The following RASGEF1C variants were observed in gnomAD, a reference collection of about 807,000 sequenced individuals.
RASGEF1C encodes ras-GEF domain-containing family member 1C.
In RASGEF1C, 27 loss-of-function variants were observed where a neutral mutation model predicts 58.1. The observed-to-expected ratio is 0.46, with a 90% CI of 0.34 to 0.64. The LOEUF (loss-of-function observed/expected upper bound fraction) is 0.64, where lower values mean the gene tolerates loss of function less well. Among genes scored for constraint, RASGEF1C ranks in the 30% least tolerant of loss-of-function variants. RASGEF1C has a pLI of 0.01. For synonymous variants in RASGEF1C, 243 were observed against 246.3 expected, an observed-to-expected ratio of 0.99 and a Z score of 0.13; for missense variants, 502 against 605.1, an observed-to-expected ratio of 0.83 and a Z score of 1.79.
intron 12 of RASGEF1C, among the ~76,000 whole-genome samples, chr5:180,104,978 C>T (rs910467697): frequency 4.6e-5 from 7 of 152,116 alleles, no homozygotes; most frequent in African/African-American, 9.7e-5. Flanking sequence ...ATTCTAAGTC[C>T]CCTGGTGGCT....
chr5:180,176,295 G>A (rs1767224682), intron 1 of RASGEF1C, among the ~76,000 whole-genome samples: 1 of 152,238 alleles, frequency 6.6e-6, no homozygotes, highest in African/African-American at 2.4e-5. Context: ...GAGCAGCCGT[G>A]GGAGGGCACT....
At chr5:180,104,804 A>C (rs993289265) in intron 12 of RASGEF1C, among the ~76,000 whole-genome samples, 3 of 152,122 alleles carry the variant, frequency 2.0e-5, no homozygotes, top group Non-Finnish European at 4.4e-5. Flanking sequence ...AAGTTGTGGT[A>C]ATTTGTGCTT....
rs768278930 is a variant in RASGEF1C, at chr5:180,209,110, CCCGCCGCCG to C, written c.-98_-90del. ...CTCGGCGCCGCGGACCGGGGCGCCG[CCCGCCGCCG>C]CCGCCGCCGCCGCCGCCGCCGCCGC... On this transcript the variant is annotated 5_prime_UTR_variant, in exon 1 of 14. Transcript: ENST00000361132. 0.05 allele frequency: 7,278 copies of C among 144,628 alleles called. 238 individuals carry two copies. Among genetic ancestry groups the C allele is most frequent in the East Asian group, 0.1 (493 of 4,772 alleles). The allele number at this position is 144,628 out of a possible 1,614,324, so 9.0% of individuals were successfully genotyped here. A position where few individuals can be genotyped will look rare whatever the true frequency, so the allele number is the denominator to read the frequency against.
At chr5:180,185,034 T>C (rs1002324954) in intron 1 of RASGEF1C, among the ~76,000 whole-genome samples, 5 of 152,354 alleles carry the variant, frequency 3.3e-5, no homozygotes, top group South Asian at 2.1e-4. Context: ...GGCTCACACC[T>C]GTAATCCCAG....
At chr5:180,170,404 T>C (rs943523512) in intron 1 of RASGEF1C, among the ~76,000 whole-genome samples, 1 of 152,170 alleles carries the variant, frequency 6.6e-6, no homozygotes, top group Admixed American at 6.5e-5. Flanking sequence ...TCGGGCTCTG[T>C]GTGAAAATCC....
intron 1 of RASGEF1C, among the ~76,000 whole-genome samples, chr5:180,191,145 T>C (rs1027845504): frequency 4.6e-5 from 7 of 152,302 alleles, no homozygotes; most frequent in Non-Finnish European, 1.0e-4. Flanking sequence ...CAATACCAGA[T>C]GCCGCATGGA....
rs1756348955 is a variant in RASGEF1C, at chr5:180,199,714, C to T, written c.-7+9314G>A. 5.1e-5 allele frequency among the ~76,000 whole-genome samples: 7 copies of T among 135,932 alleles called. No homozygotes were observed. The Admixed American group carries it at 5.4e-4, about 11-fold the overall frequency. 89.2% of individuals were successfully genotyped at this position (135,932 alleles called of 152,430 possible). On this transcript the variant is annotated intron_variant, in intron 1 of 13. Coordinates refer to ENST00000361132, the MANE Select transcript of RASGEF1C (RefSeq NM_175062.4). ...CCCCTCCCTCCCTCCCTCCTTCCTT[C>T]CTTCTTTCCCGGATGGGATCTTGTT... is the stretch of plus-strand genomic sequence containing the variant.
At chr5:180,157,205 C>T (rs1434874450) in intron 1 of RASGEF1C, among the ~76,000 whole-genome samples, 1 of 152,226 alleles carries the variant, frequency 6.6e-6, no homozygotes, top group African/African-American at 2.4e-5. Context: ...CACATAAAAA[C>T]CTACACACAG....
At chr5:180,118,745 G>T in intron 9 of RASGEF1C, 41 bp from the exon 10 acceptor site, 1 of 1,613,942 alleles carries the variant, frequency 6.2e-7, no homozygotes, top group South Asian at 1.1e-5. Flanking sequence ...TTCTGTCCAG[G>T]GGATGGCCGG....
chr5:180,204,911 C>T (rs949802661), intron 1 of RASGEF1C, among the ~76,000 whole-genome samples: 3 of 152,054 alleles, frequency 2.0e-5, no homozygotes, highest in East Asian at 1.9e-4. Context: ...AACAACAGGC[C>T]GGTAATGGTG....
At chr5:180,139,054 G>A (rs1209873941) in intron 1 of RASGEF1C, among the ~76,000 whole-genome samples, 1 of 152,154 alleles carries the variant, frequency 6.6e-6, no homozygotes, top group Non-Finnish European at 1.5e-5. Flanking sequence ...CCGTTACAGT[G>A]TCTTCTCTAC....
chr5:180,204,264 G>C (rs1177499346), intron 1 of RASGEF1C, among the ~76,000 whole-genome samples: 1 of 152,166 alleles, frequency 6.6e-6, no homozygotes, highest in East Asian at 1.9e-4. Flanking sequence ...GTCTTTGTGT[G>C]GACATTTCAT....
chr5:180,185,074 C>G (rs1297605219), intron 1 of RASGEF1C, among the ~76,000 whole-genome samples: 3 of 151,662 alleles, frequency 2.0e-5, no homozygotes, highest in African/African-American at 2.4e-5. Flanking sequence ...GGGCGGATCA[C>G]AAGGTCAGGA....
intron 1 of RASGEF1C, among the ~76,000 whole-genome samples, chr5:180,157,210 A>G (rs1338661095): frequency 6.6e-6 from 1 of 152,242 alleles, no homozygotes; most frequent in Non-Finnish European, 1.5e-5. Context: ...AAAAACCTAC[A>G]CACAGGTGTT....
intron 1 of RASGEF1C, among the ~76,000 whole-genome samples, chr5:180,189,910 C>CA (rs1217034579): frequency 3.4e-5 from 1 of 28,994 alleles, no homozygotes; most frequent in East Asian, 1.6e-3. Flanking sequence ...GCAACAAGAG[C>CA]AAAACTCCAT....
Position 180,136,436 on chromosome 5 carries a change from TC to T in RASGEF1C, c.379del (p.Glu127LysfsTer82). 6.4e-7 allele frequency: 1 copy of T among 1,560,810 alleles called. No individual in the cohort carries two copies. The highest frequency in any genetic ancestry group is 8.7e-7 in the Non-Finnish European group (1 of 1,152,332). ...CTTAAGGTGCCCGATAGTCGACTCTTCCTGGAAGTCCCTTGGGAAGGTCTCG... is the reference window on the plus strand; with the variant it reads ...CTTAAGGTGCCCGATAGTCGACTCTTCTGGAAGTCCCTTGGGAAGGTCTCG... ...WTETFPRDFQ[E>X]ESTIGHLKDV... On this transcript the variant is annotated frameshift_variant, in exon 4 of 14. Coordinates refer to ENST00000361132, the MANE Select transcript of RASGEF1C (RefSeq NM_175062.4). LOFTEE classifies it high-confidence loss of function.
At chr5:180,123,610 AAAG>A (rs1393154060) in intron 6 of RASGEF1C, among the ~76,000 whole-genome samples, 1 of 152,134 alleles carries the variant, frequency 6.6e-6, no homozygotes, top group Non-Finnish European at 1.5e-5. Flanking sequence ...TTTTATTAGA[AAAG>A]AAGGATAAAA....
chr5:180,151,637 C>T (rs1271553591), intron 1 of RASGEF1C, among the ~76,000 whole-genome samples: 1 of 151,898 alleles, frequency 6.6e-6, no homozygotes, highest in Non-Finnish European at 1.5e-5. Flanking sequence ...CTAGGCAATA[C>T]CATTCAGGAC....
intron 1 of RASGEF1C, among the ~76,000 whole-genome samples, chr5:180,152,470 G>A (rs529123561): frequency 0.028 from 4,007 of 145,530 alleles, 176 homozygotes; most frequent in African/African-American, 0.095. Flanking sequence ...AGGACAAAAA[G>A]CCAAACACTG....
Sources: gnomAD v4.1 joint callset for allele counts (sites outside exome capture counted in the v4.1 genomes callset) on GRCh38, gnomAD v4.1.1 for gene constraint, MANE v1.5 for transcripts, NCBI Gene and HGNC (gene_info 2026-07-23, HGNC 2026-07-21) for gene names.